The following GABRQ variants were observed in gnomAD, a reference collection of about 807,000 sequenced individuals.
GABRQ encodes gamma-aminobutyric acid receptor subunit theta.
In GABRQ, 19 loss-of-function variants were observed where a neutral mutation model predicts 30.5. The ratio of observed to expected loss-of-function variants is 0.62; its 90% confidence interval spans 0.43 to 0.91. GABRQ has a LOEUF of 0.91. GABRQ is among the 40% of genes least tolerant of loss of function. GABRQ has a pLI of 0.00. For synonymous variants in GABRQ, 187 were observed against 210.2 expected, an observed-to-expected ratio of 0.89 and a Z score of 0.95; for missense variants, 520 against 521.4, an observed-to-expected ratio of 1.00 and a Z score of 0.03.
Position 152,656,406 on chromosome X carries a change from C to G in GABRQ, c.*3125C>G, listed in dbSNP as rs1278326621. On this transcript the variant is annotated 3_prime_UTR_variant, in exon 9 of 9. Transcript: ENST00000598523. ...CACCTTCCATTTCTTTCCTTCCCAT[C>G]GACTTCCCCGACCCAGGATCCCTTC... is the stretch of plus-strand genomic sequence containing the variant. 2 of 111,817 alleles carry G rather than the reference C, an allele frequency of 1.8e-5. No homozygotes were observed. Among genetic ancestry groups the G allele is most frequent in the Non-Finnish European group, 3.8e-5 (2 of 53,159 alleles). The allele number at this position is 111,817 out of a possible 1,213,427, so 9.2% of individuals were successfully genotyped here.
rs1931068203 is a variant in GABRQ at position 152,652,954 on chromosome X, G to C, written c.1572G>C (p.Glu524Asp). ...GGAAGCCCATGCTTCACCATGGCGA[G>C]AAGGGTGTGCAAGAAGCAGGCTGGG... ...PSGKPMLHHG[E>D]KGVQEAGWDL... Residue 524 changes from glutamate to aspartate, a missense_variant, in exon 9 of 9, where the codon GAG becomes GAC. By Grantham distance (45) the Glu-to-Asp change is conservative. Transcript: ENST00000598523. The C allele has an allele frequency of 8.3e-7, 1 of 1,211,254 alleles. No homozygotes were observed. The highest frequency in any genetic ancestry group is 2.2e-5 in the Admixed American group (1 of 46,164).
In GABRQ at chrX:152,647,034, C is replaced by G; in HGVS notation, c.393C>G (p.Asp131Glu). 1.7e-6 allele frequency: 2 copies of G among 1,202,749 alleles called. No individual in the cohort carries two copies. Among genetic ancestry groups the G allele is most frequent in the Non-Finnish European group, 2.3e-6 (2 of 887,284 alleles). Reference protein sequence around the residue: ...YYETTLNLTLDYRMHEKLWVP... With the variant: ...YYETTLNLTLEYRMHEKLWVP... ...AGACCACCCTGAACTTGACCCTGGA[C>G]TATCGGATGCATGAGAAGTTGTGGG... Residue 131 changes from aspartate to glutamate, a missense_variant, in exon 4 of 9, where the codon GAC (aspartate) becomes GAG (glutamate). By Grantham distance (45) the Asp-to-Glu change is conservative. Coordinates refer to ENST00000598523, the MANE Select transcript of GABRQ (RefSeq NM_018558.4).
At chrX:152,651,042 G>A (rs1396432778) in intron 7 of GABRQ, among the ~76,000 whole-genome samples, 1 of 111,142 alleles carries the variant, frequency 9.0e-6, no homozygotes, top group Non-Finnish European at 1.9e-5. Context: ...GTACCAAGAA[G>A]AGACCTAAGA....
At position 152,654,428 on chromosome X, in the gene GABRQ, C is replaced by A. The variant is rs1602829281; in HGVS notation, c.*1147C>A. ...CAAGGAAAACGAATGGAGCTTATGC[C>A]GCATGCTTGAGGACATGCAGCCAGT... is the stretch of plus-strand genomic sequence containing the variant. On this transcript the variant is annotated 3_prime_UTR_variant, in exon 9 of 9. Coordinates refer to ENST00000598523, the MANE Select transcript of GABRQ (RefSeq NM_018558.4). 1.8e-5 allele frequency: 2 copies of A among 111,831 alleles called. No individual in the cohort carries two copies. The highest frequency in any genetic ancestry group is 1.9e-4 in the Admixed American group (2 of 10,581). The allele number at this position is 111,831 out of a possible 1,213,427, so 9.2% of individuals were successfully genotyped here.
In GABRQ at chrX:152,654,558, GC is replaced by G. The variant is rs1287626814; in HGVS notation, c.*1282del. ...CTCCCTAAAGAGGGTGCTCCAGAGG[GC>G]CCCCACCACATCCTCTAGCACCTGG... On this transcript the variant is annotated 3_prime_UTR_variant, in exon 9 of 9. Coordinates refer to ENST00000598523, the MANE Select transcript of GABRQ (RefSeq NM_018558.4). 4 of 111,905 alleles carry G rather than the reference GC, an allele frequency of 3.6e-5. No homozygotes were observed. Among genetic ancestry groups the G allele is most frequent in the Non-Finnish European group, 7.5e-5 (4 of 53,148 alleles). The allele number at this position is 111,905 out of a possible 1,213,427, so 9.2% of individuals were successfully genotyped here.
chrX:152,650,468 G>A lies in GABRQ; in HGVS notation c.789G>A (p.Arg263=), dbSNP rs782570875. Residue 263 remains arginine (R), a synonymous_variant, in exon 7 of 9, where the codon AGG becomes AGA. Coordinates refer to ENST00000598523, the MANE Select transcript of GABRQ (RefSeq NM_018558.4). ...IRLILKFQVQ[R]EVNSYLVQVY... is the part of the protein sequence containing the mutation. ...TGATACTGAAGTTCCAGGTTCAGAG[G>A]GAAGTTAACAGCTACCTTGTGCAAG... 6.6e-6 allele frequency: 8 copies of A among 1,203,134 alleles called. No individual in the cohort carries two copies. The highest frequency in any genetic ancestry group is 2.3e-4 in the Middle Eastern group (1 of 4,328).
Position 152,657,326 on chromosome X carries a change from A to C in GABRQ, c.*4045A>C, listed in dbSNP as rs1931169312. The C allele has an allele frequency of 8.9e-6, 1 of 111,809 alleles. No homozygotes were observed. Among genetic ancestry groups the C allele is most frequent in the Non-Finnish European group, 1.9e-5 (1 of 53,148 alleles). 9.2% of individuals were successfully genotyped at this position (111,809 alleles called of 1,213,427 possible). The stretch of plus-strand genomic sequence containing the variant: ...TGGATGTCCTGGACGACCTGACCCA[A>C]AAAGGGGCACAAAGCAGCAGAGCTT... On this transcript the variant is annotated 3_prime_UTR_variant, in exon 9 of 9. Transcript: ENST00000598523.
chrX:152,642,648 A>T (rs1342469657), intron 2 of GABRQ, among the ~76,000 whole-genome samples: 2 of 112,094 alleles, frequency 1.8e-5, no homozygotes, highest in Non-Finnish European at 3.8e-5. Flanking sequence ...GCTAGATAGG[A>T]AGTACAGTTG....
chrX:152,645,736 C>T (rs1930872860), intron 3 of GABRQ, 142 bp downstream of exon 3: 1 of 427,020 alleles, frequency 2.3e-6, no homozygotes, highest in African/African-American at 2.5e-5. Context: ...TGCAGCCATT[C>T]AGAATAAAAA....
rs1556819869 is a variant in GABRQ at position 152,649,897 on chromosome X, C to T, written c.748+18C>T. ...CTACACAGGTGGGTCTGACCCCTTC[C>T]TTCTCTCCTGTCTCATGTCTGCCTT... is the stretch of plus-strand genomic sequence containing the variant. On this transcript the variant is annotated intron_variant, in intron 6 of 8. Coordinates refer to ENST00000598523, the MANE Select transcript of GABRQ (RefSeq NM_018558.4). The T allele has an allele frequency of 1.7e-6, 2 of 1,168,702 alleles. No homozygotes were observed. Among genetic ancestry groups the T allele is most frequent in the Non-Finnish European group, 2.3e-6 (2 of 858,884 alleles).
Position 152,653,471 on chromosome X carries a change from G to A in GABRQ, c.*190G>A, listed in dbSNP as rs1931085613. Reference sequence around the variant, plus strand: ...AGAACATGTTCTAGCTGGAAGGGAAGGGATTGAGGAGGAGTTGGAGGTATA... The same window carrying A: ...AGAACATGTTCTAGCTGGAAGGGAAAGGATTGAGGAGGAGTTGGAGGTATA... On this transcript the variant is annotated 3_prime_UTR_variant, in exon 9 of 9. Transcript: ENST00000598523. 2.4e-6 allele frequency: 1 copy of A among 413,371 alleles called. No homozygotes were observed. Among genetic ancestry groups the A allele is most frequent in the African/African-American group, 2.5e-5 (1 of 40,106 alleles). 34.1% of individuals were successfully genotyped at this position (413,371 alleles called of 1,213,427 possible). A position where few individuals can be genotyped will look rare whatever the true frequency, so the allele number is the denominator to read the frequency against.
rs1931137222 is a variant in GABRQ, at chrX:152,655,742, G to A, written c.*2461G>A. ...GGAGCCTAAGCATTGGTTGGTTGAC[G>A]TGGATTTGGGTCTCCAGCACCCTGG... On this transcript the variant is annotated 3_prime_UTR_variant, in exon 9 of 9. Coordinates refer to ENST00000598523, the MANE Select transcript of GABRQ (RefSeq NM_018558.4). 8.9e-6 allele frequency: 1 copy of A among 112,023 alleles called. No homozygotes were observed. The highest frequency in any genetic ancestry group is 1.9e-5 in the Non-Finnish European group (1 of 53,212). The allele number at this position is 112,023 out of a possible 1,213,427, so 9.2% of individuals were successfully genotyped here. A position where few individuals can be genotyped will look rare whatever the true frequency, so the allele number is the denominator to read the frequency against.
At position 152,655,788 on chromosome X, in the gene GABRQ, T is replaced by C. The variant is rs1556821109; in HGVS notation, c.*2507T>C. Reference sequence around the variant, plus strand: ...CCTGGAGGTGCTTTCAACCCTGTGGTGGCAAGCAGTTCATTTGGGATAAAG... The same window carrying C: ...CCTGGAGGTGCTTTCAACCCTGTGGCGGCAAGCAGTTCATTTGGGATAAAG... On this transcript the variant is annotated 3_prime_UTR_variant, in exon 9 of 9. Transcript: ENST00000598523. 6.3e-5 allele frequency: 7 copies of C among 111,368 alleles called. No homozygotes were observed. The allele number at this position is 111,368 out of a possible 1,213,427, so 9.2% of individuals were successfully genotyped here.
rs1405607660 is a variant in GABRQ, at chrX:152,638,212, C to T, written c.10C>T (p.Arg4Ter). The change falls in exon 1 of 9, where the codon CGA becomes TGA. Residue 4 changes from arginine (R) to a stop codon, truncating the protein, a stop_gained. Coordinates refer to ENST00000598523, the MANE Select transcript of GABRQ (RefSeq NM_018558.4). LOFTEE classifies it high-confidence loss of function. ...CCAGAACGCCCCGGCCATGGGCATC[C>T]GAGGCATGCTGCGAGCCGCAGTGAT... MGI[R>*]GMLRAAVILL... is the part of the protein sequence containing the mutation. 1 of 1,209,821 alleles carries T rather than the reference C, an allele frequency of 8.3e-7. No homozygotes were observed. Among genetic ancestry groups the T allele is most frequent in the African/African-American group, 1.7e-5 (1 of 57,584 alleles).
chrX:152,639,378 G>GCGCACA (rs202009485), intron 1 of GABRQ, among the ~76,000 whole-genome samples: 12,132 of 103,144 alleles, frequency 0.12, 697 homozygotes, highest in Non-Finnish European at 0.18. Flanking sequence ...ATGCGCGTGC[G>GCGCACA]CACACACACA....
At chrX:152,649,913 T>C (rs782240831) in intron 6 of GABRQ, 34 bp downstream of exon 6, 19 of 1,129,598 alleles carry the variant, frequency 1.7e-5, no homozygotes, top group Non-Finnish European at 2.1e-5. Flanking sequence ...TCCTGTCTCA[T>C]GTCTGCCTTG....
intron 2 of GABRQ, among the ~76,000 whole-genome samples, chrX:152,644,112 AAC>A (rs1930825437): frequency 9.0e-6 from 1 of 111,564 alleles, no homozygotes; most frequent in Admixed American, 9.5e-5. Context: ...CTCACACATT[AAC>A]ACACATACCC....
rs781927958 is a variant in GABRQ at position 152,638,843 on chromosome X, T to G, written c.149+492T>G. 1.5e-4 allele frequency among the ~76,000 whole-genome samples: 17 copies of G among 111,071 alleles called. No homozygotes were observed. In the South Asian group the frequency reaches 6.6e-3, roughly 43 times the overall value. On this transcript the variant is annotated intron_variant, in intron 1 of 8. Coordinates refer to ENST00000598523, the MANE Select transcript of GABRQ (RefSeq NM_018558.4). ...CGCGTGCATGCATGTGTTGAGGGGA[T>G]GAGGGACTCTTTCCAATGCGGCAGA...
At chrX:152,638,496 C>T (rs1930668720) in intron 1 of GABRQ, 145 bp downstream of exon 1, 3 of 537,094 alleles carry the variant, frequency 5.6e-6, no homozygotes, top group Admixed American at 3.7e-5. Context: ...GGCGCCCGGG[C>T]CCTGCCTGTT....
Sources: allele counts gnomAD v4.1 joint callset (sites outside exome capture counted in the v4.1 genomes callset), GRCh38; gene constraint gnomAD v4.1.1; transcripts MANE v1.5; gene names NCBI Gene and HGNC (gene_info 2026-07-23, HGNC 2026-07-21).